GPR180: variants seen among roughly 807,000 people sequenced by gnomAD.
GPR180 encodes the protein integral membrane protein GPR180.
A neutral mutation model predicts 52.6 loss-of-function variants in GPR180; 53 were observed. That is an observed-to-expected ratio of 1.01 (90% CI 0.81 to 1.27). GPR180 has a LOEUF of 1.27. Among genes scored for constraint, GPR180 ranks in the 50% most tolerant of loss-of-function variants. The pLI, the probability that GPR180 is intolerant of heterozygous loss-of-function variation, is 0.00. For missense variants in GPR180, 533 were observed against 527.0 expected, an observed-to-expected ratio of 1.01 and a Z score of -0.11; for synonymous variants, 200 against 193.1, an observed-to-expected ratio of 1.04 and a Z score of -0.30.
chr13:94,624,876 G>A lies in GPR180; in HGVS notation c.1087-1090G>A, dbSNP rs189292285. Among the ~76,000 whole-genome samples the A allele has an allele frequency of 8.6e-5, 13 of 150,916 alleles. 1 individual carries two copies. Among genetic ancestry groups the A allele is most frequent in the African/African-American group, 3.2e-4 (13 of 40,950 alleles). ...TAAGATGGAGTTTCGCTCTTGTCCA[G>A]GCTGTAGTGCAGTGGTGCGATTTCG... On this transcript the variant is annotated intron_variant, in intron 7 of 8. Coordinates refer to ENST00000376958, the MANE Select transcript of GPR180 (RefSeq NM_180989.6).
In GPR180 at chr13:94,634,121, C is replaced by T. The variant is rs947223292; in HGVS notation, c.*6950C>T. 12 of 151,826 alleles carry T rather than the reference C, an allele frequency of 7.9e-5. No individual in the cohort carries two copies. The highest frequency in any genetic ancestry group is 1.3e-4 in the Non-Finnish European group (9 of 67,940). The allele number at this position is 151,826 out of a possible 1,614,324, so 9.4% of individuals were successfully genotyped here. ...TTTTATAATTTTCCAATTAGTCTTG[C>T]TCATTTTTTATATAAACTTTGAAAT... On this transcript the variant is annotated 3_prime_UTR_variant, in exon 9 of 9. Coordinates refer to ENST00000376958, the MANE Select transcript of GPR180 (RefSeq NM_180989.6).
chr13:94,612,727 T>C (rs1231735891), intron 3 of GPR180, among the ~76,000 whole-genome samples: 2 of 152,246 alleles, frequency 1.3e-5, no homozygotes, highest in East Asian at 1.9e-4. Context: ...GTGTAGTTTA[T>C]AGTTTATACA....
At chr13:94,605,792 T>C (rs1442728412) in intron 2 of GPR180, among the ~76,000 whole-genome samples, 2 of 152,198 alleles carry the variant, frequency 1.3e-5, no homozygotes, top group African/African-American at 4.8e-5. Flanking sequence ...CTCTTTACAG[T>C]TTGCATAATT....
At chr13:94,611,471 G>A (rs950083079) in intron 2 of GPR180, among the ~76,000 whole-genome samples, 5 of 152,126 alleles carry the variant, frequency 3.3e-5, no homozygotes, top group African/African-American at 9.7e-5. Flanking sequence ...ATTTAGCATT[G>A]TGTATATTTT....
chr13:94,619,033 T>C (rs1200741724), intron 3 of GPR180, 117 bp from the exon 4 acceptor site: 3 of 835,510 alleles, frequency 3.6e-6, no homozygotes, highest in South Asian at 4.1e-5. Context: ...AGGTGAATGC[T>C]ATGACTCCAG....
chr13:94,604,588 T>C (rs1243724618), intron 1 of GPR180, among the ~76,000 whole-genome samples: 1 of 150,950 alleles, frequency 6.6e-6, no homozygotes, highest in Non-Finnish European at 1.5e-5. Context: ...ACACTCTGTC[T>C]CAAAAAAAAA....
chr13:94,612,389 T>G lies in GPR180; in HGVS notation c.504T>G (p.Ser168=), dbSNP rs113121378. ...TTGATCATTTTAGTGCTGGAGAATC[T>G]GGTAAGAATATGTATTTGAATATAT... The part of the protein sequence containing the change: ...NPFDHFSAGE[S]GLHEFFFLLV... Residue 168 remains serine, a splice_region_variant and synonymous_variant, in exon 3 of 9, where the codon TCT becomes TCG. Coordinates refer to ENST00000376958, the MANE Select transcript of GPR180 (RefSeq NM_180989.6). 6 of 1,591,206 alleles carry G rather than the reference T, an allele frequency of 3.8e-6. No individual in the cohort carries two copies. The African/African-American group carries it at 6.7e-5, about 18-fold the overall frequency.
chr13:94,634,638 C>G lies in GPR180; in HGVS notation c.*7467C>G, dbSNP rs530124128. 7.2e-5 allele frequency: 11 copies of G among 152,186 alleles called. No homozygotes were observed. The highest frequency in any genetic ancestry group is 1.3e-4 in the Non-Finnish European group (9 of 68,010). 9.4% of individuals were successfully genotyped at this position (152,186 alleles called of 1,614,324 possible). ...AGTTGTAATAAATTTCTGGTTGGCT[C>G]TCTTGTGTTTTCTAGGTAAACAACC... On this transcript the variant is annotated 3_prime_UTR_variant, in exon 9 of 9. Coordinates refer to ENST00000376958, the MANE Select transcript of GPR180 (RefSeq NM_180989.6).
Position 94,619,576 on chromosome 13 carries a change from T to A in GPR180, c.736+59T>A, listed in dbSNP as rs1889826552. ...TTTACACTCGCTATCTGCTTTTTTT[T>A]TATTTCTTGTCATAGTATAAATTTT... On this transcript the variant is annotated intron_variant, in intron 5 of 8. Transcript: ENST00000376958. The A allele has an allele frequency of 2.2e-6, 3 of 1,358,696 alleles. No individual in the cohort carries two copies. In the African/African-American group the frequency reaches 4.4e-5, roughly 20 times the overall value. The allele number at this position is 1,358,696 out of a possible 1,614,324, so 84.2% of individuals were successfully genotyped here. A position where few individuals can be genotyped will look rare whatever the true frequency, so the allele number is the denominator to read the frequency against.
rs534968127 is a variant in GPR180 at position 94,616,207 on chromosome 13, A to G, written c.506-2943A>G. ...ACATTTCCTTTTTCAGAACTGGGTC[A>G]TAGCATCATAAGAGAAATGTAAGTT... is the stretch of plus-strand genomic sequence containing the variant. On this transcript the variant is annotated intron_variant, in intron 3 of 8. Coordinates refer to ENST00000376958, the MANE Select transcript of GPR180 (RefSeq NM_180989.6). Among the ~76,000 whole-genome samples the G allele has an allele frequency of 3.9e-5, 6 of 152,360 alleles. No homozygotes were observed. The East Asian group carries it at 9.6e-4, about 24-fold the overall frequency.
chr13:94,623,029 T>A, intron 6 of GPR180, 80 bp from the exon 7 acceptor site: 1 of 957,802 alleles, frequency 1.0e-6, no homozygotes, highest in Non-Finnish European at 1.6e-6. Flanking sequence ...TTTAAAGGGA[T>A]GTTTATTAAA....
rs201350765 is a variant in GPR180, at chr13:94,605,378, T to A, written c.146-13T>A. ...AGACCAAACTAGTTGATGATTTTTG[T>A]TTTAATGTCAAGGTGACCATGCTCT... On this transcript the variant is annotated splice_polypyrimidine_tract_variant and intron_variant, in intron 1 of 8. Transcript: ENST00000376958. The A allele has an allele frequency of 1.5e-5, 24 of 1,613,696 alleles. No homozygotes were observed. Among genetic ancestry groups the A allele is most frequent in the Non-Finnish European group, 1.9e-5 (23 of 1,179,888 alleles).
chr13:94,601,989 AG>A lies in GPR180; in HGVS notation c.65del (p.Gly22ValfsTer40). ...TGCTGCTGGTGGCCGCAGGGCAGCC[AG>A]GGTAAGACCCTGCGGGGCAGCTTCA... ...LTCCWWPQGS[Q>X]GKTLRGSFSS... is the part of the protein sequence containing the mutation. On this transcript the variant is annotated frameshift_variant, in exon 1 of 9. Coordinates refer to ENST00000376958, the MANE Select transcript of GPR180 (RefSeq NM_180989.6). LOFTEE classifies it high-confidence loss of function. 6.7e-7 allele frequency: 1 copy of A among 1,486,064 alleles called. No homozygotes were observed. The highest frequency in any genetic ancestry group is 8.9e-7 in the Non-Finnish European group (1 of 1,122,438). 92.1% of individuals were successfully genotyped at this position (1,486,064 alleles called of 1,614,324 possible).
Position 94,625,980 on chromosome 13 carries a change from G to A in GPR180, c.1101G>A (p.Trp367Ter), listed in dbSNP as rs1889923513. The A allele has an allele frequency of 6.2e-7, 1 of 1,611,614 alleles. No homozygotes were observed. Reference sequence around the variant, plus strand: ...CTTTGTTTCAGGGCTGTATCTTGTGGTTTTTATGCCATCCAGTTCTTGCAT... The same window carrying A: ...CTTTGTTTCAGGGCTGTATCTTGTGATTTTTATGCCATCCAGTTCTTGCAT... Reference protein sequence around the residue: ...YITFAKGCILWFLCHPVLACI... With the variant: ...YITFAKGCIL Residue 367 changes from tryptophan to a stop codon, truncating the protein, a stop_gained, in exon 8 of 9, where the codon TGG becomes TGA. Coordinates refer to ENST00000376958, the MANE Select transcript of GPR180 (RefSeq NM_180989.6). LOFTEE classifies it high-confidence loss of function.
At position 94,630,022 on chromosome 13, in the gene GPR180, T is replaced by C. The variant is rs1298459832; in HGVS notation, c.*2851T>C. 1.3e-5 allele frequency: 2 copies of C among 152,258 alleles called. No individual in the cohort carries two copies. Among genetic ancestry groups the C allele is most frequent in the Non-Finnish European group, 2.9e-5 (2 of 68,044 alleles). The allele number at this position is 152,258 out of a possible 1,614,324, so 9.4% of individuals were successfully genotyped here. On this transcript the variant is annotated 3_prime_UTR_variant, in exon 9 of 9. Transcript: ENST00000376958. ...CTTAAATAGCTTCTGTGGTATCAAA[T>C]CATTGAGGTTGTTTTTTGTTTGTTT...
chr13:94,616,049 T>G (rs1359954444), intron 3 of GPR180, among the ~76,000 whole-genome samples: 2 of 152,176 alleles, frequency 1.3e-5, no homozygotes, highest in African/African-American at 4.8e-5. Context: ...CCTCAGACTA[T>G]CAGTGTTGTT....
chr13:94,605,137 C>A (rs936224924), intron 1 of GPR180, among the ~76,000 whole-genome samples: 4 of 152,220 alleles, frequency 2.6e-5, no homozygotes, highest in African/African-American at 9.6e-5. Context: ...TGTTCAAATA[C>A]CCCAGATATT....
chr13:94,624,650 C>G (rs897274881), intron 7 of GPR180, among the ~76,000 whole-genome samples: 1 of 151,816 alleles, frequency 6.6e-6, no homozygotes, highest in Non-Finnish European at 1.5e-5. Flanking sequence ...CTCCGCCTTC[C>G]GGGTTCATGC....
Position 94,627,267 on chromosome 13 carries a change from A to G in GPR180, c.*96A>G. ...TTTTTTTCATACATTTAGTATGAAA[A>G]CTTGAACAGCGAAAGCAGAGCATGT... is the stretch of plus-strand genomic sequence containing the variant. On this transcript the variant is annotated 3_prime_UTR_variant, in exon 9 of 9. Coordinates refer to ENST00000376958, the MANE Select transcript of GPR180 (RefSeq NM_180989.6). The G allele has an allele frequency of 9.9e-7, 1 of 1,012,992 alleles. No homozygotes were observed. The highest frequency in any genetic ancestry group is 1.5e-6 in the Non-Finnish European group (1 of 676,040). 62.8% of individuals were successfully genotyped at this position (1,012,992 alleles called of 1,614,324 possible). A position where few individuals can be genotyped will look rare whatever the true frequency, so the allele number is the denominator to read the frequency against.
Sources: gnomAD v4.1 joint callset for allele counts (sites outside exome capture counted in the v4.1 genomes callset) on GRCh38, gnomAD v4.1.1 for gene constraint, MANE v1.5 for transcripts, NCBI Gene and HGNC (gene_info 2026-07-23, HGNC 2026-07-21) for gene names.